ROBO2: variants seen among roughly 807,000 people sequenced by gnomAD.
ROBO2 encodes the protein roundabout homolog 2.
In ROBO2, 53 loss-of-function variants were observed where a neutral mutation model predicts 160.8. That is an observed-to-expected ratio of 0.33 (90% CI 0.26 to 0.41). The LOEUF (loss-of-function observed/expected upper bound fraction) is 0.41, where lower values mean the gene tolerates loss of function less well. ROBO2 is among the 10% of genes least tolerant of loss of function. The pLI, the probability that ROBO2 is intolerant of heterozygous loss-of-function variation, is 1.00. For synonymous variants in ROBO2, 664 were observed against 611.7 expected, an observed-to-expected ratio of 1.09 and a Z score of -1.26; for missense variants, 1,577 against 1,722.4, an observed-to-expected ratio of 0.92 and a Z score of 1.49.
intron 2 of ROBO2, among the ~76,000 whole-genome samples, chr3:76,244,643 G>A (rs192296848): frequency 2.6e-5 from 4 of 152,250 alleles, no homozygotes; most frequent in African/African-American, 9.6e-5. Flanking sequence ...ATTCAGAGAA[G>A]CAGAATAACA....
intron 2 of ROBO2, among the ~76,000 whole-genome samples, chr3:76,117,763 G>T (rs2070539233): frequency 6.6e-6 from 1 of 152,156 alleles, no homozygotes; most frequent in Non-Finnish European, 1.5e-5. Flanking sequence ...GGAGACAGAT[G>T]TTGAATATAA....
intron 2 of ROBO2, among the ~76,000 whole-genome samples, chr3:76,958,807 A>G (rs2079457419): frequency 6.6e-6 from 1 of 152,270 alleles, no homozygotes; most frequent in Admixed American, 6.5e-5. Flanking sequence ...AAACAAAAAC[A>G]TCCTTTTTGT....
At chr3:75,908,328 CT>C (rs1406110008) in intron 1 of ROBO2, among the ~76,000 whole-genome samples, 1 of 150,350 alleles carries the variant, frequency 6.7e-6, no homozygotes, top group African/African-American at 2.5e-5. Flanking sequence ...TTATTTTGTT[CT>C]TTCTTTAATG....
intron 2 of ROBO2, among the ~76,000 whole-genome samples, chr3:76,395,936 A>G (rs949727938): frequency 1.3e-5 from 2 of 152,182 alleles, no homozygotes; most frequent in Non-Finnish European, 2.9e-5. Context: ...CATTCCAATC[A>G]ATAGAAAAAG....
At chr3:76,351,264 TA>T (rs2074856700) in intron 2 of ROBO2, among the ~76,000 whole-genome samples, 1 of 151,920 alleles carries the variant, frequency 6.6e-6, no homozygotes, top group African/African-American at 2.4e-5. Context: ...AGAGTAATAT[TA>T]AAAAGCACAA....
intron 2 of ROBO2, among the ~76,000 whole-genome samples, chr3:76,899,299 C>T (rs1214232457): frequency 2.0e-5 from 3 of 152,014 alleles, no homozygotes; most frequent in Non-Finnish European, 2.9e-5. Flanking sequence ...ATTTAATCCA[C>T]TTCGTATGTC....
At chr3:77,104,860 A>G (rs2072565661) in intron 2 of ROBO2, among the ~76,000 whole-genome samples, 1 of 152,176 alleles carries the variant, frequency 6.6e-6, no homozygotes, top group Admixed American at 6.5e-5. Context: ...AATTAACCAT[A>G]TGGAAACAAC....
intron 2 of ROBO2, among the ~76,000 whole-genome samples, chr3:77,399,797 A>G (rs1022327170): frequency 6.6e-6 from 1 of 152,156 alleles, no homozygotes; most frequent in Non-Finnish European, 1.5e-5. Flanking sequence ...AAAAACATTT[A>G]CACCTATCTA....
chr3:76,798,977 G>A (rs1327470786), intron 2 of ROBO2, among the ~76,000 whole-genome samples: 1 of 152,060 alleles, frequency 6.6e-6, no homozygotes, highest in Non-Finnish European at 1.5e-5. Flanking sequence ...AACTTTGGGA[G>A]GCCGAGGCGG....
chr3:77,198,831 A>T (rs1269765316), intron 2 of ROBO2, among the ~76,000 whole-genome samples: 1 of 151,950 alleles, frequency 6.6e-6, no homozygotes, highest in Non-Finnish European at 1.5e-5. Flanking sequence ...TGAACCCGGG[A>T]GGTGGAGGTT....
intron 2 of ROBO2, among the ~76,000 whole-genome samples, chr3:76,795,613 C>A (rs1421106721): frequency 6.6e-6 from 1 of 152,084 alleles, no homozygotes; most frequent in African/African-American, 2.4e-5. Flanking sequence ...AACTGTAGTT[C>A]TCTTGCTATT....
At chr3:76,357,109 T>A (rs1250734293) in intron 2 of ROBO2, among the ~76,000 whole-genome samples, 2 of 151,840 alleles carry the variant, frequency 1.3e-5, no homozygotes, top group Non-Finnish European at 2.9e-5. Context: ...TAAATAGTCA[T>A]GTGTTTGAAG....
At chr3:76,277,933 T>G (rs1039559871) in intron 2 of ROBO2, among the ~76,000 whole-genome samples, 21 of 151,896 alleles carry the variant, frequency 1.4e-4, no homozygotes, top group African/African-American at 4.8e-4. Flanking sequence ...TTTTGTTTTT[T>G]TTTTTTAACA....
chr3:77,468,207 T>C (rs531521713), intron 2 of ROBO2, among the ~76,000 whole-genome samples: 1 of 152,198 alleles, frequency 6.6e-6, no homozygotes, highest in Non-Finnish European at 1.5e-5. Flanking sequence ...GCTATGCAGA[T>C]CCCTGTCAAA....
chr3:76,494,545 TTGA>T (rs1214501016), intron 2 of ROBO2, among the ~76,000 whole-genome samples: 1 of 152,190 alleles, frequency 6.6e-6, no homozygotes, highest in Non-Finnish European at 1.5e-5. Flanking sequence ...CTTCCCATCC[TTGA>T]TGATAATGTT....
At chr3:77,167,903 C>A (rs74335844) in intron 2 of ROBO2, among the ~76,000 whole-genome samples, 1 of 152,110 alleles carries the variant, frequency 6.6e-6, no homozygotes, top group African/African-American at 2.4e-5. Flanking sequence ...GCCGCATTAA[C>A]TTTGTTGTTT....
At chr3:77,596,589 C>G (rs1425498924) in intron 18 of ROBO2, 34 bp from the exon 20 acceptor site, 6 of 1,613,146 alleles carry the variant, frequency 3.7e-6, no homozygotes, top group Non-Finnish European at 5.1e-6. Context: ...GCATTGAGCT[C>G]CATGTGTTGA....
intron 2 of ROBO2, among the ~76,000 whole-genome samples, chr3:77,183,206 T>TC (rs1444057443): frequency 2.6e-5 from 4 of 152,042 alleles, no homozygotes; most frequent in African/African-American, 9.7e-5. Flanking sequence ...CTTTATCTTC[T>TC]CCCCCATAAG....
intron 2 of ROBO2, among the ~76,000 whole-genome samples, chr3:77,246,857 A>G (rs999877749): frequency 5.9e-5 from 9 of 152,120 alleles, no homozygotes; most frequent in African/African-American, 2.2e-4. Context: ...TACACAAGCT[A>G]TCTCTTGGGG....
Sources: allele counts gnomAD v4.1 joint callset (sites outside exome capture counted in the v4.1 genomes callset), GRCh38; gene constraint gnomAD v4.1.1; transcripts MANE v1.5; gene names NCBI Gene and HGNC (gene_info 2026-07-23, HGNC 2026-07-21).